Variants in JHY observed in about 807,000 individuals in gnomAD.
JHY encodes junctional cadherin complex regulator, also known as jhy protein homolog.
Under a neutral mutation model 78.0 loss-of-function variants are expected in JHY, and 69 were observed. The observed-to-expected ratio is 0.88, with a 90% CI of 0.73 to 1.08. The LOEUF is 1.08. JHY is among the 50% of genes least tolerant of loss of function. JHY has a pLI of 0.00. For synonymous variants in JHY, 368 were observed against 342.6 expected, an observed-to-expected ratio of 1.07 and a Z score of -0.82; for missense variants, 944 against 927.8, an observed-to-expected ratio of 1.02 and a Z score of -0.23.
At chr11:122,929,229 G>A (rs1863584124) in intron 4 of JHY, among the ~76,000 whole-genome samples, 1 of 142,270 alleles carries the variant, frequency 7.0e-6, no homozygotes, top group Non-Finnish European at 1.6e-5. Context: ...GCCTGGCCAA[G>A]GTTGTTTTTT....
chr11:122,921,510 A>T (rs1449081283), intron 3 of JHY, among the ~76,000 whole-genome samples: 2 of 152,056 alleles, frequency 1.3e-5, no homozygotes, highest in Admixed American at 1.3e-4. Context: ...TTTACTCTTG[A>T]CCTTCATTTC....
Position 122,934,680 on chromosome 11 carries a change from G to T in JHY, c.1239G>T (p.Ser413=). The change falls in exon 5 of 9, where the codon TCG becomes TCT. Residue 413 remains serine, a synonymous_variant. Transcript: ENST00000227349. ...KPLDTSTKPE[S]IVIMHASNND... ...TTGATACTTCAACAAAGCCTGAATC[G>T]ATTGTGATTATGCATGCCTCTAACA... 6.2e-7 allele frequency: 1 copy of T among 1,614,094 alleles called. No individual in the cohort carries two copies. Among genetic ancestry groups the T allele is most frequent in the Non-Finnish European group, 8.5e-7 (1 of 1,180,020 alleles).
chr11:122,924,893 C>G lies in JHY; in HGVS notation c.865-4C>G, dbSNP rs1863460928. 6.2e-7 allele frequency: 1 copy of G among 1,608,100 alleles called. No individual in the cohort carries two copies. Among genetic ancestry groups the G allele is most frequent in the African/African-American group, 1.3e-5 (1 of 74,890 alleles). On this transcript the variant is annotated splice_polypyrimidine_tract_variant and splice_region_variant and intron_variant, in intron 3 of 8. Coordinates refer to ENST00000227349, the MANE Select transcript of JHY (RefSeq NM_024806.4). Reference sequence around the variant, plus strand: ...AACATGCTGTATGTGTTTTACCTACCTAGATCTCCTACCCCGTCAGAGTAA... The same window carrying G: ...AACATGCTGTATGTGTTTTACCTACGTAGATCTCCTACCCCGTCAGAGTAA...
At chr11:122,896,342 CAAAAAAA>C (rs11370911) in intron 2 of JHY, among the ~76,000 whole-genome samples, 5 of 73,422 alleles carry the variant, frequency 6.8e-5, no homozygotes, top group East Asian at 8.5e-4. Context: ...GACTCTGTCT[CAAAAAAA>C]AAAAAAAAAA....
At chr11:122,941,009 C>T (rs1863865371) in intron 5 of JHY, among the ~76,000 whole-genome samples, 1 of 152,122 alleles carries the variant, frequency 6.6e-6, no homozygotes, top group African/African-American at 2.4e-5. Flanking sequence ...TTCCTGGGTC[C>T]TTTTGATGTA....
intron 6 of JHY, chr11:122,946,995 C>G: frequency 3.8e-6 from 2 of 525,642 alleles, no homozygotes; most frequent in Non-Finnish European, 6.4e-6. Flanking sequence ...GTTGTTGCTG[C>G]CAGGGATGCC....
At chr11:122,930,550 T>G (rs1863616588) in intron 4 of JHY, among the ~76,000 whole-genome samples, 1 of 152,244 alleles carries the variant, frequency 6.6e-6, no homozygotes, top group Non-Finnish European at 1.5e-5. Context: ...GTATTTTTAC[T>G]TTAAAAATAC....
rs879471771 is a variant in JHY, at chr11:122,902,301, TA to T, written c.345-1610del. Among the ~76,000 whole-genome samples, 1,210 of 140,728 alleles carry T rather than the reference TA, an allele frequency of 8.6e-3. 3 individuals carry two copies. Among genetic ancestry groups the T allele is most frequent in the African/African-American group, 0.019 (739 of 38,682 alleles). 92.3% of individuals were successfully genotyped at this position (140,728 alleles called of 152,430 possible). A position where few individuals can be genotyped will look rare whatever the true frequency, so the allele number is the denominator to read the frequency against. On this transcript the variant is annotated intron_variant, in intron 2 of 8. Transcript: ENST00000227349. ...GCAAAACCCTGTCTCTACTAAAAAT[TA>T]AAAAAAAAAAAAATTAGCCCGACAT...
At chr11:122,916,407 A>G (rs768965048) in intron 3 of JHY, among the ~76,000 whole-genome samples, 24 of 152,206 alleles carry the variant, frequency 1.6e-4, no homozygotes, top group Non-Finnish European at 2.5e-4. Context: ...TAACGTATAT[A>G]AATATACACT....
At chr11:122,893,758 A>G (rs1443601318) in intron 2 of JHY, among the ~76,000 whole-genome samples, 3 of 152,256 alleles carry the variant, frequency 2.0e-5, no homozygotes, top group Admixed American at 6.5e-5. Context: ...CAACACTTCC[A>G]TATATTGCTA....
chr11:122,906,287 A>G (rs1862991194), intron 3 of JHY, among the ~76,000 whole-genome samples: 1 of 152,204 alleles, frequency 6.6e-6, no homozygotes, highest in African/African-American at 2.4e-5. Context: ...TCCTGGGCTC[A>G]AGCAATCCTC....
chr11:122,931,039 T>C (rs1161954607), intron 4 of JHY, among the ~76,000 whole-genome samples: 1 of 152,146 alleles, frequency 6.6e-6, no homozygotes, highest in East Asian at 1.9e-4. Flanking sequence ...TGAGCTTCCT[T>C]GAGCCTATTT....
chr11:122,962,040 C>T lies in JHY; in HGVS notation c.*2595C>T, dbSNP rs1378607037. 6.7e-6 allele frequency among the ~76,000 whole-genome samples: 1 copy of T among 149,690 alleles called. No homozygotes were observed. Among genetic ancestry groups the T allele is most frequent in the African/African-American group, 2.4e-5 (1 of 40,964 alleles). ...ATATTGTCAAATGTGTGTTTTCACA[C>T]ACACAAAAATAGATAAGACAAAAGC... On this transcript the variant is annotated 3_prime_UTR_variant, in exon 9 of 9. Transcript: ENST00000227349.
At chr11:122,905,365 T>A (rs1862966159) in intron 3 of JHY, 2 of 1,523,008 alleles carry the variant, frequency 1.3e-6, no homozygotes, top group Non-Finnish European at 1.8e-6. Flanking sequence ...TTGAGATTTA[T>A]CACCTGCTAA....
intron 2 of JHY, among the ~76,000 whole-genome samples, chr11:122,902,521 A>C (rs934262584): frequency 1.3e-5 from 2 of 152,220 alleles, no homozygotes; most frequent in African/African-American, 4.8e-5. Flanking sequence ...CTGCAAAGAA[A>C]TACCTGAGTG....
At position 122,935,540 on chromosome 11, in the gene JHY, T is replaced by C. The variant is rs1863735868; in HGVS notation, c.1634+465T>C. ...GTGAGCCACCGCACCCGGCCAAGAG[T>C]CTACTTTTGATGGATTTCTTTTCCT... On this transcript the variant is annotated intron_variant, in intron 5 of 8. Coordinates refer to ENST00000227349, the MANE Select transcript of JHY (RefSeq NM_024806.4). The surrounding 1 kb of genome is among the most constrained non-coding windows in gnomAD (Gnocchi z 4.5). Among the ~76,000 whole-genome samples, 1 of 151,908 alleles carries C rather than the reference T, an allele frequency of 6.6e-6. No homozygotes were observed.
At chr11:122,936,377 TAA>T in intron 5 of JHY, among the ~76,000 whole-genome samples, 1 of 151,920 alleles carries the variant, frequency 6.6e-6, no homozygotes, top group Admixed American at 6.6e-5. Context: ...TAATAAGATT[TAA>T]AGTTAGCTTC....
intron 1 of JHY, among the ~76,000 whole-genome samples, chr11:122,885,553 G>A (rs113704429): frequency 3.3e-5 from 5 of 152,252 alleles, no homozygotes; most frequent in African/African-American, 9.6e-5. Flanking sequence ...GATTACTCAG[G>A]CTGCTTATGA....
chr11:122,891,113 T>C (rs1037634462), intron 2 of JHY, among the ~76,000 whole-genome samples: 1 of 152,184 alleles, frequency 6.6e-6, no homozygotes, highest in Admixed American at 6.5e-5. Flanking sequence ...GAAATTCAAG[T>C]AGGCTTTTAT....
Sources: gnomAD v4.1 joint callset for allele counts (sites outside exome capture counted in the v4.1 genomes callset) on GRCh38, gnomAD v4.1.1 for gene constraint, Gnocchi (gnomAD v3.1) non-coding constraint, MANE v1.5 for transcripts, NCBI Gene and HGNC (gene_info 2026-07-23, HGNC 2026-07-21) for gene names.